CYGB: variants seen among roughly 807,000 people sequenced by gnomAD.
The protein encoded by CYGB is histoglobin.
Under a neutral mutation model 20.7 loss-of-function variants are expected in CYGB, and 13 were observed. The observed-to-expected ratio is 0.63, with a 90% CI of 0.41 to 1.00. The LOEUF (loss-of-function observed/expected upper bound fraction) is 1.00. Ranked by LOEUF, CYGB falls within the 50% of genes least tolerant of loss-of-function variation. CYGB has a pLI of 0.00. For missense variants in CYGB, 218 were observed against 257.2 expected (o/e 0.85, Z 1.04); for synonymous variants, 93 against 107.4 (o/e 0.87, Z 0.83).
At chr17:76,540,254 G>GTT (rs575918636), upstream of CYGB, 45 of 887,920 alleles carry the variant, frequency 5.1e-5, 4 homozygotes, top group Admixed American at 6.7e-4. This position sits in a 1 kb window ranked among gnomAD's most constrained non-coding sequence, Gnocchi z 5.0. Flanking sequence ...GGTTGGTCGG[G>GTT]GGGGGGGGGC....
At chr17:76,540,649 G>GT (rs1266829835), upstream of CYGB, 1 of 1,398,336 alleles carries the variant, frequency 7.2e-7, no homozygotes, top group African/African-American at 1.4e-5. This position sits in a 1 kb window ranked among gnomAD's most constrained non-coding sequence, Gnocchi z 5.0. Flanking sequence ...GGGGGTGCAC[G>GT]TGTGTGCCTG....
chr17:76,548,584 G>C (rs896144865), intron 1 of CYGB, among the ~76,000 whole-genome samples: 25 of 152,302 alleles, frequency 1.6e-4, no homozygotes, highest in African/African-American at 6.0e-4. Flanking sequence ...TTCCTCATTT[G>C]ATAAACATTT....
chr17:76,548,690 T>C (rs1343573978), intron 1 of CYGB, among the ~76,000 whole-genome samples: 1 of 152,118 alleles, frequency 6.6e-6, no homozygotes, highest in Non-Finnish European at 1.5e-5. Flanking sequence ...GACCAGAAGC[T>C]CTCTGGGGGC....
rs1339545047 is a variant in CYGB at position 76,531,163 on chromosome 17, G to T, written c.376-21C>A. On this transcript the variant is annotated intron_variant, in intron 2 of 3. Transcript: ENST00000293230. This position sits in a 1 kb window ranked among gnomAD's most constrained non-coding sequence, Gnocchi z 7.4. ...AGGATCTGGGGGCAAAGGGAGGAAG[G>T]GGGAGTGAACGCCCGGGCGCCCTGC... is the stretch of plus-strand genomic sequence containing the variant. The T allele has an allele frequency of 1.9e-6, 3 of 1,607,088 alleles. No homozygotes were observed. Among genetic ancestry groups the T allele is most frequent in the South Asian group, 1.1e-5 (1 of 90,860 alleles).
At position 76,527,493 on chromosome 17, in the gene CYGB, G is replaced by C; in HGVS notation, c.*1085C>G. On this transcript the variant is annotated 3_prime_UTR_variant, in exon 4 of 4. Coordinates refer to ENST00000293230, the MANE Select transcript of CYGB (RefSeq NM_134268.5). ...TGAGGATGGGCCAGGAGGGGACACA[G>C]CAGGAGCCACAGCAGCAAAACATCC... is the stretch of plus-strand genomic sequence containing the variant. 1 of 416,002 alleles carries C rather than the reference G, an allele frequency of 2.4e-6. No homozygotes were observed. The allele number at this position is 416,002 out of a possible 1,614,324, so 25.8% of individuals were successfully genotyped here.
At chr17:76,529,457 G>A (rs552413552) in intron 3 of CYGB, 4 of 985,334 alleles carry the variant, frequency 4.1e-6, no homozygotes, top group Non-Finnish European at 4.8e-6. Context: ...GGGTGGGGAG[G>A]GCAGGACGGG....
intron 3 of CYGB, chr17:76,529,299 C>T (rs1452112862): frequency 1.0e-6 from 1 of 985,444 alleles, no homozygotes; most frequent in South Asian, 4.7e-5. Flanking sequence ...CACCCCACCA[C>T]TTGACAGCTG....
chr17:76,527,681 G>T lies in CYGB; in HGVS notation c.*897C>A, dbSNP rs368573867. 2.2e-6 allele frequency: 1 copy of T among 453,994 alleles called. No homozygotes were observed. Among genetic ancestry groups the T allele is most frequent in the Non-Finnish European group, 4.4e-6 (1 of 226,712 alleles). The allele number at this position is 453,994 out of a possible 1,614,324, so 28.1% of individuals were successfully genotyped here. A position where few individuals can be genotyped will look rare whatever the true frequency, so the allele number is the denominator to read the frequency against. ...TGAGACCCAGGCATGTGGTCCCGCC[G>T]ACCTGCTGCCCAGCAGCCCGGATCC... On this transcript the variant is annotated 3_prime_UTR_variant, in exon 4 of 4. Transcript: ENST00000293230.
At chr17:76,540,216 G>T, upstream of CYGB, 1 of 1,509,902 alleles carries the variant, frequency 6.6e-7, no homozygotes, top group Non-Finnish European at 9.0e-7. This position sits in a 1 kb window ranked among gnomAD's most constrained non-coding sequence, Gnocchi z 5.0. Flanking sequence ...GAGTCCAACC[G>T]TGAGAAACTG....
intron 1 of CYGB, chr17:76,543,258 C>G (rs749346277): frequency 5.5e-6 from 2 of 362,356 alleles, no homozygotes; most frequent in Non-Finnish European, 1.1e-5. Context: ...GGCTTCCTTC[C>G]CTCTGAGTTC....
chr17:76,541,655 G>A (rs556542825), upstream of CYGB, among the ~76,000 whole-genome samples: 1 of 152,290 alleles, frequency 6.6e-6, no homozygotes, highest in South Asian at 2.1e-4. Context: ...TAGGCCAGCT[G>A]GCATCATCAT....
At chr17:76,534,049 T>C (rs977929098) in intron 1 of CYGB, among the ~76,000 whole-genome samples, 1 of 152,060 alleles carries the variant, frequency 6.6e-6, no homozygotes, top group African/African-American at 2.4e-5. Context: ...ATAATAACAA[T>C]GATATATATA....
chr17:76,548,993 C>T (rs2075082225), intron 1 of CYGB, among the ~76,000 whole-genome samples: 1 of 152,180 alleles, frequency 6.6e-6, no homozygotes, highest in South Asian at 2.1e-4. Context: ...GAGGTCAAGA[C>T]AGTGTGAGAT....
chr17:76,543,160 C>T, intron 1 of CYGB: 1 of 464,410 alleles, frequency 2.2e-6, no homozygotes, highest in South Asian at 1.6e-5. Context: ...TGCCAGTCTC[C>T]CCTTCCCCCA....
In CYGB at chr17:76,544,582, C is replaced by T. The variant is rs117784164; in HGVS notation, c.-53+6280G>A. On this transcript the variant is annotated intron_variant, in intron 1 of 3. Transcript: ENST00000589145. The stretch of plus-strand genomic sequence containing the variant: ...GGAGCCTGCAGAGGCAAAGCCAGAG[C>T]GCCAGCCTGACCCAGGCCGTGAGCC... 7.3e-4 allele frequency: 333 copies of T among 456,678 alleles called. 4 individuals are homozygous for T. In the East Asian group the frequency reaches 8.8e-3, roughly 12 times the overall value. The allele number at this position is 456,678 out of a possible 1,614,324, so 28.3% of individuals were successfully genotyped here. A position where few individuals can be genotyped will look rare whatever the true frequency, so the allele number is the denominator to read the frequency against.
chr17:76,548,276 A>G (rs2075075863), intron 1 of CYGB, among the ~76,000 whole-genome samples: 1 of 152,228 alleles, frequency 6.6e-6, no homozygotes, highest in Non-Finnish European at 1.5e-5. Flanking sequence ...ACATAAACAT[A>G]CATACACACA....
chr17:76,539,412 T>C (rs2074960700), upstream of CYGB, among the ~76,000 whole-genome samples: 1 of 152,260 alleles, frequency 6.6e-6, no homozygotes, highest in South Asian at 2.1e-4. Context: ...CACCTGTCTA[T>C]TTTGTGAGTG....
At chr17:76,549,641 A>AT (rs998683137) in intron 1 of CYGB, among the ~76,000 whole-genome samples, 1 of 152,256 alleles carries the variant, frequency 6.6e-6, no homozygotes, top group African/African-American at 2.4e-5. Flanking sequence ...TGGCAGCTTT[A>AT]TTACTAACAG....
rs756657981 is a variant in CYGB, at chr17:76,530,971, C to T, written c.539+8G>A. On this transcript the variant is annotated splice_region_variant and intron_variant, in intron 3 of 3. Coordinates refer to ENST00000293230, the MANE Select transcript of CYGB (RefSeq NM_134268.5). The surrounding 1 kb of genome is among the most constrained non-coding windows in gnomAD (Gnocchi z 6.1). ...GGCTGCCCAGCCCACCCTCGCCCGC[C>T]TCCTCACGTGGTGGCGTTGGGGACC... The T allele has an allele frequency of 5.0e-6, 8 of 1,586,566 alleles. No homozygotes were observed. The highest frequency in any genetic ancestry group is 6.0e-6 in the Non-Finnish European group (7 of 1,165,060).
Sources: allele counts gnomAD v4.1 joint callset (sites outside exome capture counted in the v4.1 genomes callset), GRCh38; gene constraint gnomAD v4.1.1; non-coding constraint Gnocchi (gnomAD v3.1); transcripts MANE v1.5; gene names NCBI Gene and HGNC (gene_info 2026-07-23, HGNC 2026-07-21).